The following SPAG16 variants were observed in gnomAD, a reference collection of about 807,000 sequenced individuals.
The protein encoded by SPAG16 is sperm associated antigen 16.
In SPAG16, 86 loss-of-function variants were observed where a neutral mutation model predicts 80.4. That is an observed-to-expected ratio of 1.07 (90% CI 0.90 to 1.28). The LOEUF (loss-of-function observed/expected upper bound fraction) is 1.28. SPAG16 is among the 50% of genes most tolerant of loss of function. The pLI is 0.00. For missense variants in SPAG16, 870 were observed against 765.3 expected (o/e 1.14, Z -1.61); for synonymous variants, 294 against 265.9 (o/e 1.11, Z -1.03).
chr2:213,422,116 C>A (rs1396232252), intron 9 of SPAG16: 1 of 685,476 alleles, frequency 1.5e-6, no homozygotes, highest in African/African-American at 1.8e-5. Context: ...GCTGAAATGA[C>A]CCCCTGCTTG....
chr2:214,026,848 C>T (rs1344776797), intron 13 of SPAG16, among the ~76,000 whole-genome samples: 1 of 151,410 alleles, frequency 6.6e-6, no homozygotes, highest in African/African-American at 2.4e-5. Context: ...AATATAAAAT[C>T]CTTTATTTAA....
chr2:213,514,557 G>A (rs531149440), intron 10 of SPAG16, among the ~76,000 whole-genome samples: 71 of 151,422 alleles, frequency 4.7e-4, no homozygotes, highest in African/African-American at 1.5e-3. Flanking sequence ...ATGCTGGTGC[G>A]CTGCACCCAC....
intron 14 of SPAG16, among the ~76,000 whole-genome samples, chr2:214,135,526 T>G (rs980259569): frequency 6.6e-6 from 1 of 152,092 alleles, no homozygotes; most frequent in Non-Finnish European, 1.5e-5. Flanking sequence ...CATGTTGAAA[T>G]TTAATTTCCA....
intron 11 of SPAG16, among the ~76,000 whole-genome samples, chr2:213,917,338 G>A (rs747391025): frequency 3.3e-5 from 5 of 152,108 alleles, no homozygotes; most frequent in African/African-American, 7.2e-5. Flanking sequence ...GATAGAAATA[G>A]CATTGAATCT....
intron 15 of SPAG16, among the ~76,000 whole-genome samples, chr2:214,355,260 G>A (rs1319923364): frequency 7.2e-5 from 10 of 139,646 alleles, no homozygotes; most frequent in East Asian, 6.4e-4. Context: ...GAAAATTTTC[G>A]CAACCTACTC....
chr2:213,819,748 TTTGG>T (rs575480417), intron 10 of SPAG16, among the ~76,000 whole-genome samples: 1 of 151,822 alleles, frequency 6.6e-6, no homozygotes, highest in Non-Finnish European at 1.5e-5. Context: ...TGATTGTTTG[TTTGG>T]TTGGTTGGTT....
intron 11 of SPAG16, among the ~76,000 whole-genome samples, chr2:213,895,004 A>C (rs2076937446): frequency 6.7e-6 from 1 of 149,840 alleles, no homozygotes. Flanking sequence ...AAAAAAAAAA[A>C]AAAAAAAAAA....
intron 10 of SPAG16, among the ~76,000 whole-genome samples, chr2:213,575,106 A>G (rs947570471): frequency 5.9e-5 from 9 of 152,104 alleles, no homozygotes; most frequent in Non-Finnish European, 1.0e-4. Context: ...CATCAACACA[A>G]TGCTACTAGT....
chr2:214,110,209 A>G (rs1167616453), intron 14 of SPAG16, among the ~76,000 whole-genome samples: 2 of 152,132 alleles, frequency 1.3e-5, no homozygotes, highest in Admixed American at 6.6e-5. Flanking sequence ...TTACATAGGT[A>G]TACATGTGCC....
intron 10 of SPAG16, among the ~76,000 whole-genome samples, chr2:213,849,611 T>C (rs553677645): frequency 1.3e-5 from 2 of 152,340 alleles, no homozygotes; most frequent in African/African-American, 4.8e-5. Flanking sequence ...TTCTATACTA[T>C]ACCTCAGCAT....
At chr2:213,537,974 C>G (rs1423152064) in intron 10 of SPAG16, among the ~76,000 whole-genome samples, 1 of 152,106 alleles carries the variant, frequency 6.6e-6, no homozygotes, top group Non-Finnish European at 1.5e-5. Context: ...TTCATTCTTT[C>G]AATCATTCGT....
chr2:213,369,980 A>G (rs1209235400), intron 8 of SPAG16, among the ~76,000 whole-genome samples: 1 of 152,190 alleles, frequency 6.6e-6, no homozygotes, highest in East Asian at 1.9e-4. Flanking sequence ...CACATTTATG[A>G]CGTGTATCCA....
At chr2:214,295,782 C>A (rs771514677) in intron 15 of SPAG16, among the ~76,000 whole-genome samples, 3 of 151,806 alleles carry the variant, frequency 2.0e-5, no homozygotes, top group Admixed American at 6.6e-5. Flanking sequence ...CAGAACAAGA[C>A]TGTCTCAAAA....
intron 10 of SPAG16, among the ~76,000 whole-genome samples, chr2:213,751,147 T>C (rs2068059675): frequency 6.6e-6 from 1 of 152,172 alleles, no homozygotes; most frequent in South Asian, 2.1e-4. Context: ...ATTTTTTTTT[T>C]TACTAAAGAA....
intron 15 of SPAG16, among the ~76,000 whole-genome samples, chr2:214,254,994 G>A (rs981172812): frequency 6.6e-6 from 1 of 151,904 alleles, no homozygotes; most frequent in African/African-American, 2.4e-5. Context: ...TAGCCTGAGG[G>A]GATAATGGTG....
At chr2:213,296,722 A>T (rs561056931) in intron 2 of SPAG16, among the ~76,000 whole-genome samples, 3 of 152,332 alleles carry the variant, frequency 2.0e-5, no homozygotes, top group Admixed American at 1.3e-4. Flanking sequence ...AATGGAGATT[A>T]TGTGTACCAC....
At chr2:214,106,928 TA>T (rs1258955327) in intron 13 of SPAG16, among the ~76,000 whole-genome samples, 2 of 152,164 alleles carry the variant, frequency 1.3e-5, no homozygotes. Context: ...ACTCCCTTCC[TA>T]TACTTTGGCT....
At chr2:213,308,811 G>A (rs1046630658) in intron 3 of SPAG16, among the ~76,000 whole-genome samples, 2 of 152,052 alleles carry the variant, frequency 1.3e-5, no homozygotes, top group Non-Finnish European at 2.9e-5. Context: ...ATCTATAATT[G>A]AAGAAGCAGA....
At chr2:213,836,948 T>TTCCC in intron 10 of SPAG16, among the ~76,000 whole-genome samples, 2 of 150,770 alleles carry the variant, frequency 1.3e-5, no homozygotes, top group East Asian at 2.0e-4. Context: ...CAACAGTGCC[T>TTCCC]TCTCTCTCTC....
Sources: gnomAD v4.1 joint callset for allele counts (sites outside exome capture counted in the v4.1 genomes callset) on GRCh38, gnomAD v4.1.1 for gene constraint, MANE v1.5 for transcripts, NCBI Gene and HGNC (gene_info 2026-07-23, HGNC 2026-07-21) for gene names.